Variants in SDCBP2 observed in about 807,000 individuals in gnomAD.
SDCBP2 encodes the protein syndecan binding protein 2.
Under a neutral mutation model 30.7 loss-of-function variants are expected in SDCBP2, and 28 were observed. That is an observed-to-expected ratio of 0.91 (90% CI 0.68 to 1.25). The LOEUF is 1.25. Ranked by LOEUF, SDCBP2 falls within the 50% of genes most tolerant of loss-of-function variation. SDCBP2 has a pLI of 0.00. For missense variants in SDCBP2, 399 were observed against 379.0 expected, an observed-to-expected ratio of 1.05 and a Z score of -0.44; for synonymous variants, 166 against 157.3, an observed-to-expected ratio of 1.06 and a Z score of -0.41.
chr20:1,325,019 CG>C (rs2088899328), intron 1 of SDCBP2, among the ~76,000 whole-genome samples: 1 of 152,122 alleles, frequency 6.6e-6, no homozygotes, highest in South Asian at 2.1e-4. Context: ...ATTTTTTACC[CG>C]GGGAACCATC....
chr20:1,328,464 G>A lies in SDCBP2; in HGVS notation c.-20+621C>T, dbSNP rs187768495. On this transcript the variant is annotated intron_variant, in intron 1 of 8. Coordinates refer to ENST00000360779, the MANE Select transcript of SDCBP2 (RefSeq NM_080489.5). Reference sequence around the variant, plus strand: ...ACGTGAAGCTGCCTGTCCAGTGCTCGCCCAGCCCATACCAGGCTCGTTTTC... The same window carrying A: ...ACGTGAAGCTGCCTGTCCAGTGCTCACCCAGCCCATACCAGGCTCGTTTTC... Among the ~76,000 whole-genome samples, 11 of 152,206 alleles carry A rather than the reference G, an allele frequency of 7.2e-5. No individual in the cohort carries two copies. In the East Asian group the frequency reaches 9.7e-4, roughly 13 times the overall value.
In SDCBP2 at chr20:1,313,193, A is replaced by C; in HGVS notation, c.384+147T>G. ...CAGCCCCGCCCGGGTCTCGGGGAGG[A>C]GGGACTGGGGGCAAGAGCCTGGCCG... is the stretch of plus-strand genomic sequence containing the variant. On this transcript the variant is annotated intron_variant, in intron 5 of 8. Coordinates refer to ENST00000360779, the MANE Select transcript of SDCBP2 (RefSeq NM_080489.5). This position sits in a 1 kb window ranked among gnomAD's most constrained non-coding sequence, Gnocchi z 5.2. The C allele has an allele frequency of 1.2e-6, 1 of 829,388 alleles. No individual in the cohort carries two copies. Among genetic ancestry groups the C allele is most frequent in the Non-Finnish European group, 1.9e-6 (1 of 527,720 alleles). 51.4% of individuals were successfully genotyped at this position (829,388 alleles called of 1,614,324 possible).
rs892308325 is a variant in SDCBP2, at chr20:1,317,978, G to A, written c.225+340C>T. Reference sequence around the variant, plus strand: ...TTGGGTGACGAGCTCCTGCCCTCTCGGCTCTGTTTATCCATGCAGGCAGCC... The same window carrying A: ...TTGGGTGACGAGCTCCTGCCCTCTCAGCTCTGTTTATCCATGCAGGCAGCC... On this transcript the variant is annotated intron_variant, in intron 4 of 8. Coordinates refer to ENST00000360779, the MANE Select transcript of SDCBP2 (RefSeq NM_080489.5). 5.4e-5 allele frequency: 20 copies of A among 369,252 alleles called. No individual in the cohort carries two copies. The East Asian group carries it at 8.3e-4, about 15-fold the overall frequency. 22.9% of individuals were successfully genotyped at this position (369,252 alleles called of 1,614,324 possible). A position where few individuals can be genotyped will look rare whatever the true frequency, so the allele number is the denominator to read the frequency against.
intron 1 of SDCBP2, chr20:1,325,942 TCTG>T (rs911174484): frequency 6.6e-6 from 1 of 152,218 alleles, no homozygotes; most frequent in African/African-American, 2.4e-5. Flanking sequence ...TGACTGGGCT[TCTG>T]CTGCCTAGGG....
intron 1 of SDCBP2, chr20:1,323,539 A>T (rs1284494104): frequency 6.6e-6 from 1 of 152,176 alleles, no homozygotes; most frequent in Non-Finnish European, 1.5e-5. Flanking sequence ...TCCTTTCACC[A>T]CTGCCACCTT....
At chr20:1,319,751 G>C (rs6041382) in intron 2 of SDCBP2, 92 bp from the exon 3 acceptor site, 2 of 1,143,236 alleles carry the variant, frequency 1.7e-6, no homozygotes, top group East Asian at 2.6e-5. Flanking sequence ...CTGGGCATTA[G>C]GGGTGTGAGT....
chr20:1,325,344 A>G (rs1047009088), intron 1 of SDCBP2: 9 of 152,246 alleles, frequency 5.9e-5, no homozygotes, highest in African/African-American at 2.2e-4. Flanking sequence ...CGACTCAGCA[A>G]CTTCTAGAGC....
chr20:1,310,519 C>T lies in SDCBP2; in HGVS notation c.825-24G>A, dbSNP rs751299664. ...ACCTGGATACAGCAACAACAGTGAC[C>T]AGGTTGGCAGCTCCTTCTCTCCACC... On this transcript the variant is annotated intron_variant, in intron 8 of 8. Coordinates refer to ENST00000360779, the MANE Select transcript of SDCBP2 (RefSeq NM_080489.5). 3 of 1,612,260 alleles carry T rather than the reference C, an allele frequency of 1.9e-6. No individual in the cohort carries two copies. In the East Asian group the frequency reaches 6.7e-5, roughly 36 times the overall value.
intron 3 of SDCBP2, 66 bp from the exon 4 acceptor site, chr20:1,318,484 G>T: frequency 1.0e-6 from 1 of 963,478 alleles, no homozygotes; most frequent in Non-Finnish European, 1.6e-6. Flanking sequence ...TGCCTGCCTG[G>T]CTCCCCTGTG....
In SDCBP2 at chr20:1,324,556, G is replaced by A. The variant is rs555338362; in HGVS notation, c.-19-4121C>T. ...GATATCCTGCCAAACTTTCAAGTAA[G>A]CCAAAAATCCGTTATAATTGGTTGT... is the stretch of plus-strand genomic sequence containing the variant. On this transcript the variant is annotated intron_variant, in intron 1 of 8. Coordinates refer to ENST00000360779, the MANE Select transcript of SDCBP2 (RefSeq NM_080489.5). This position sits in a 1 kb window ranked among gnomAD's most constrained non-coding sequence, Gnocchi z 4.7. 9.3e-4 allele frequency among the ~76,000 whole-genome samples: 141 copies of A among 152,230 alleles called. No homozygotes were observed. The highest frequency in any genetic ancestry group is 3.3e-3 in the African/African-American group (138 of 41,536).
rs780711384 is a variant in SDCBP2, at chr20:1,312,749, T to G, written c.398A>C (p.Gln133Pro). The change falls in exon 6 of 9, where the codon CAG becomes CCG. Residue 133 changes from glutamine (Q) to proline (P), a missense_variant. Physicochemically the swap from Gln to Pro is moderately conservative, Grantham distance 76. Transcript: ENST00000360779. The part of the protein sequence containing the change: ...LRKVDQGLFV[Q>P]LVQANTPASL... The stretch of plus-strand genomic sequence containing the variant: ...TGCAGGGGTGTTGGCCTGGACCAAC[T>G]GCACAAAGAGCCCCTGGGGGAGGCA... 2 of 1,612,488 alleles carry G rather than the reference T, an allele frequency of 1.2e-6. No homozygotes were observed. The highest frequency in any genetic ancestry group is 1.7e-6 in the Non-Finnish European group (2 of 1,179,460).
At chr20:1,314,589 CAAAAAAA>C (rs11473327) in intron 4 of SDCBP2, among the ~76,000 whole-genome samples, 1 of 99,364 alleles carries the variant, frequency 1.0e-5, no homozygotes, top group Admixed American at 1.1e-4. Context: ...TACAATCACT[CAAAAAAA>C]AAAAAAAAAA....
Position 1,320,458 on chromosome 20 carries a change from A to T in SDCBP2, c.-19-23T>A. Reference sequence around the variant, plus strand: ...ACCCTGCAGAGTGCAGAGGGTGGGGAAGGATAAGGATGCAGCTGATGCCCC... The same window carrying T: ...ACCCTGCAGAGTGCAGAGGGTGGGGTAGGATAAGGATGCAGCTGATGCCCC... On this transcript the variant is annotated intron_variant, in intron 1 of 8. Transcript: ENST00000360779. This position sits in a 1 kb window ranked among gnomAD's most constrained non-coding sequence, Gnocchi z 4.7. The T allele has an allele frequency of 6.3e-7, 1 of 1,578,438 alleles. No individual in the cohort carries two copies. Among genetic ancestry groups the T allele is most frequent in the Non-Finnish European group, 8.7e-7 (1 of 1,154,122 alleles).
At chr20:1,322,136 T>A (rs796332389) in intron 1 of SDCBP2, 4 of 152,398 alleles carry the variant, frequency 2.6e-5, no homozygotes, top group African/African-American at 9.6e-5. Flanking sequence ...CCCTCCTGTC[T>A]CTTTTGCATG....
chr20:1,316,010 G>A (rs1213950819), intron 4 of SDCBP2, among the ~76,000 whole-genome samples: 1 of 152,192 alleles, frequency 6.6e-6, no homozygotes, highest in Non-Finnish European at 1.5e-5. Context: ...GGCTGAGGTG[G>A]GTGGATCACC....
At chr20:1,327,526 C>T (rs1309944416) in intron 1 of SDCBP2, among the ~76,000 whole-genome samples, 8 of 152,228 alleles carry the variant, frequency 5.3e-5, no homozygotes, top group Admixed American at 5.2e-4. Context: ...TACCCCCACT[C>T]CTCCTCTCAG....
rs1424707996 is a variant in SDCBP2 at position 1,310,237 on chromosome 20, T to C, written c.*204A>G. On this transcript the variant is annotated 3_prime_UTR_variant, in exon 9 of 9. Coordinates refer to ENST00000360779, the MANE Select transcript of SDCBP2 (RefSeq NM_080489.5). ...GAATCGGCTGCCTGTGGGCCCTGCC[T>C]GAGCCTCAGCCTAGCTTGGAGTCTG... The C allele has an allele frequency of 2.8e-5, 14 of 497,156 alleles. No homozygotes were observed. In the East Asian group the frequency reaches 4.6e-4, roughly 16 times the overall value. The allele number at this position is 497,156 out of a possible 1,614,324, so 30.8% of individuals were successfully genotyped here.
chr20:1,320,551 G>T lies in SDCBP2; in HGVS notation c.-19-116C>A. ...AACTTAATATTCAAACAGAAAGGCA[G>T]CAGGGCACTTAGAATGCCTCCCCGA... On this transcript the variant is annotated intron_variant, in intron 1 of 8. Transcript: ENST00000360779. This position sits in a 1 kb window ranked among gnomAD's most constrained non-coding sequence, Gnocchi z 4.7. 2.6e-6 allele frequency: 2 copies of T among 760,426 alleles called. No homozygotes were observed. Among genetic ancestry groups the T allele is most frequent in the Non-Finnish European group, 4.4e-6 (2 of 456,920 alleles). 47.1% of individuals were successfully genotyped at this position (760,426 alleles called of 1,614,324 possible).
intron 1 of SDCBP2, among the ~76,000 whole-genome samples, chr20:1,327,480 C>T (rs953582580): frequency 2.6e-5 from 4 of 152,160 alleles, no homozygotes; most frequent in South Asian, 2.1e-4. Context: ...TGTGGTGAGT[C>T]GGAATAGAAG....
Sources: gnomAD v4.1 joint callset for allele counts (sites outside exome capture counted in the v4.1 genomes callset) on GRCh38, gnomAD v4.1.1 for gene constraint, Gnocchi (gnomAD v3.1) non-coding constraint, MANE v1.5 for transcripts, NCBI Gene and HGNC (gene_info 2026-07-23, HGNC 2026-07-21) for gene names.